The following CALN1 variants were observed in gnomAD, a reference collection of about 807,000 sequenced individuals.
CALN1 encodes calneuron 1, also known as calcium-binding protein 8.
A neutral mutation model predicts 30.6 loss-of-function variants in CALN1; 17 were observed. That is an observed-to-expected ratio of 0.56 (90% CI 0.38 to 0.83). CALN1 has a LOEUF of 0.83. Among genes scored for constraint, CALN1 ranks in the 40% least tolerant of loss-of-function variants. CALN1 has a pLI of 0.00. For synonymous variants in CALN1, 156 were observed against 131.4 expected (o/e 1.19, Z -1.28); for missense variants, 291 against 354.9 (o/e 0.82, Z 1.45).
intron 5 of CALN1, among the ~76,000 whole-genome samples, chr7:71,905,262 T>C (rs780300045): frequency 6.0e-4 from 92 of 152,128 alleles, no homozygotes; most frequent in Non-Finnish European, 1.0e-3. Context: ...TTTAAAATTA[T>C]ATTTCAATAG....
At chr7:71,788,308 G>A (rs1240636882) in intron 6 of CALN1, among the ~76,000 whole-genome samples, 2 of 152,008 alleles carry the variant, frequency 1.3e-5, no homozygotes, top group African/African-American at 2.4e-5. Context: ...CAGAGTGGAA[G>A]TTCAGATGCT....
chr7:72,387,477 AAC>A (rs960466053), intron 2 of CALN1, among the ~76,000 whole-genome samples: 1 of 152,124 alleles, frequency 6.6e-6, no homozygotes, highest in Non-Finnish European at 1.5e-5. Flanking sequence ...AAACCTGACA[AAC>A]ACACACTCCC....
At chr7:72,144,161 A>T (rs1262523878) in intron 3 of CALN1, among the ~76,000 whole-genome samples, 1 of 152,190 alleles carries the variant, frequency 6.6e-6, no homozygotes, top group Non-Finnish European at 1.5e-5. Flanking sequence ...AAATGCTCCA[A>T]TTAAAAGACA....
the CALN1 span, among the ~76,000 whole-genome samples, chr7:72,504,095 G>A: frequency 2.0e-5 from 3 of 152,288 alleles, no homozygotes; most frequent in Non-Finnish European, 4.4e-5. Context: ...CCCCTGTCCC[G>A]AAGTTGGGAG....
At chr7:72,170,927 C>G (rs145508122) in intron 3 of CALN1, among the ~76,000 whole-genome samples, 1 of 152,092 alleles carries the variant, frequency 6.6e-6, no homozygotes, top group Non-Finnish European at 1.5e-5. Context: ...GAGGCCAAGG[C>G]GGGTGGATCA....
intron 5 of CALN1, among the ~76,000 whole-genome samples, chr7:71,923,755 A>G (rs1172343835): frequency 6.6e-6 from 1 of 151,880 alleles, no homozygotes; most frequent in Non-Finnish European, 1.5e-5. Flanking sequence ...GGAGACAGCT[A>G]GACACAGATG....
intron 2 of CALN1, among the ~76,000 whole-genome samples, chr7:72,360,906 T>C (rs1037355528): frequency 6.6e-6 from 1 of 151,724 alleles, no homozygotes; most frequent in Non-Finnish European, 1.5e-5. Context: ...TTTCTGTTTT[T>C]ATTAGAGACA....
At chr7:72,344,850 A>G (rs941234601) in intron 2 of CALN1, among the ~76,000 whole-genome samples, 1 of 147,656 alleles carries the variant, frequency 6.8e-6, no homozygotes, top group Non-Finnish European at 1.5e-5. Flanking sequence ...ATAAGTATAT[A>G]TAGCATATAT....
intron 6 of CALN1, 71 bp downstream of exon 6, chr7:71,810,264 AT>A: frequency 6.6e-7 from 1 of 1,509,738 alleles, no homozygotes; most frequent in South Asian, 1.3e-5. Context: ...GTGTGAACGC[AT>A]TTTTCATATA....
chr7:71,788,030 G>C, intron 6 of CALN1, 128 bp from the exon 7 acceptor site: 1 of 1,263,662 alleles, frequency 7.9e-7, no homozygotes, highest in Non-Finnish European at 1.1e-6. Context: ...TATAGGATGA[G>C]ACTGGTCAAA....
At chr7:72,377,436 C>CGTGTGTGTGTGTGTGTGTGT (rs138060244) in intron 2 of CALN1, among the ~76,000 whole-genome samples, 3 of 142,434 alleles carry the variant, frequency 2.1e-5, no homozygotes, top group East Asian at 2.1e-4. Flanking sequence ...GCCACACTTT[C>CGTGTGTGTGTGTGTGTGTGT]GTGTGTGTGT....
At chr7:72,369,268 A>G (rs1014559264) in intron 2 of CALN1, among the ~76,000 whole-genome samples, 4 of 147,666 alleles carry the variant, frequency 2.7e-5, no homozygotes, top group Non-Finnish European at 4.4e-5. Flanking sequence ...TACATTACGC[A>G]AAGTGTTATA....
rs565009020 is a variant in CALN1 at position 71,998,805 on chromosome 7, C to T, written c.501+24852G>A. On this transcript the variant is annotated intron_variant, in intron 5 of 6. Coordinates refer to ENST00000395275, the MANE Select transcript of CALN1 (RefSeq NM_031468.4). Reference sequence around the variant, plus strand: ...CTCCTGGACTCAAGCAATCGCCTGCCTTGGTCTCCCAAAGTGCTGGGATTG... The same window carrying T: ...CTCCTGGACTCAAGCAATCGCCTGCTTTGGTCTCCCAAAGTGCTGGGATTG... Among the ~76,000 whole-genome samples the T allele has an allele frequency of 7.1e-4, 108 of 152,200 alleles. 1 individual carries two copies. The highest frequency in any genetic ancestry group is 2.5e-3 in the African/African-American group (102 of 41,536).
chr7:71,995,151 G>A (rs539370336), intron 5 of CALN1, among the ~76,000 whole-genome samples: 6 of 152,194 alleles, frequency 3.9e-5, no homozygotes, highest in South Asian at 4.1e-4. Context: ...TGCGCCTGGC[G>A]CCCCTTCCTA....
intron 2 of CALN1, among the ~76,000 whole-genome samples, chr7:72,358,669 G>A (rs7788745): frequency 0.37 from 56,003 of 151,960 alleles, 11,138 homozygotes; most frequent in Admixed American, 0.45. Context: ...TAACATTGGC[G>A]GCCAGGCGCG....
chr7:71,969,002 T>C (rs943224587), intron 5 of CALN1, among the ~76,000 whole-genome samples: 1 of 151,176 alleles, frequency 6.6e-6, no homozygotes, highest in African/African-American at 2.4e-5. Flanking sequence ...TGAACTATGA[T>C]TGTACCACTA....
intron 5 of CALN1, among the ~76,000 whole-genome samples, chr7:72,020,153 G>T (rs1332816415): frequency 6.6e-6 from 1 of 152,134 alleles, no homozygotes; most frequent in Non-Finnish European, 1.5e-5. Flanking sequence ...TCAAACTCCT[G>T]GCCTCAAGCA....
intron 3 of CALN1, among the ~76,000 whole-genome samples, chr7:72,110,175 T>C (rs1178320247): frequency 6.6e-6 from 1 of 152,184 alleles, no homozygotes; most frequent in African/African-American, 2.4e-5. Context: ...TCTTCCTGTA[T>C]GCCCTAGACC....
At chr7:72,249,107 C>G (rs1429417531) in intron 3 of CALN1, among the ~76,000 whole-genome samples, 1 of 152,188 alleles carries the variant, frequency 6.6e-6, no homozygotes, top group Non-Finnish European at 1.5e-5. Flanking sequence ...AACTAGACAT[C>G]GCAGAGTTCT....
Sources: allele counts gnomAD v4.1 joint callset (sites outside exome capture counted in the v4.1 genomes callset), GRCh38; gene constraint gnomAD v4.1.1; transcripts MANE v1.5; gene names NCBI Gene and HGNC (gene_info 2026-07-23, HGNC 2026-07-21).